The following CERCAM variants were observed in gnomAD, a reference collection of about 807,000 sequenced individuals.
CERCAM encodes the protein cerebral endothelial cell adhesion molecule.
A neutral mutation model predicts 66.0 loss-of-function variants in CERCAM; 59 were observed. The ratio of observed to expected loss-of-function variants is 0.89; its 90% confidence interval spans 0.73 to 1.11. The LOEUF (loss-of-function observed/expected upper bound fraction) is 1.11. Among genes scored for constraint, CERCAM ranks in the 50% most tolerant of loss-of-function variants. The pLI, the probability that CERCAM is intolerant of heterozygous loss-of-function variation, is 0.00. For missense variants in CERCAM, 840 were observed against 828.3 expected (o/e 1.01, Z -0.17); for synonymous variants, 318 against 343.6 (o/e 0.93, Z 0.83).
rs1054267979 is a variant in CERCAM at position 128,432,803 on chromosome 9, C to T, written c.1204-1299C>T. 2.0e-5 allele frequency among the ~76,000 whole-genome samples: 3 copies of T among 152,034 alleles called. 1 individual carries two copies. Among genetic ancestry groups the T allele is most frequent in the South Asian group, 4.2e-4 (2 of 4,782 alleles). On this transcript the variant is annotated intron_variant, in intron 9 of 12. Transcript: ENST00000372838. ...AAAAGTACTTTTTCTTTTGGATATT[C>T]GGGGCTGGGGTCTTCCCACCCCCCA... is the stretch of plus-strand genomic sequence containing the variant.
chr9:128,434,011 T>C lies in CERCAM; in HGVS notation c.1204-91T>C. 1 of 1,534,514 alleles carries C rather than the reference T, an allele frequency of 6.5e-7. No homozygotes were observed. Among genetic ancestry groups the C allele is most frequent in the Admixed American group, 1.8e-5 (1 of 54,142 alleles). On this transcript the variant is annotated intron_variant, in intron 9 of 12. Transcript: ENST00000372838. This position sits in a 1 kb window ranked among gnomAD's most constrained non-coding sequence, Gnocchi z 4.5. ...AACTGCATGATGTGGCCAGGCCAAC[T>C]GAGGCCAGGCAGAGGCTGTGAGCTT...
intron 9 of CERCAM, among the ~76,000 whole-genome samples, chr9:128,433,278 CAAAAAAAAAAAA>C (rs758064235): frequency 1.4e-5 from 1 of 70,628 alleles, no homozygotes; most frequent in African/African-American, 4.7e-5. Context: ...AACTCCGTCT[CAAAAAAAAAAAA>C]AAAAAAAAAA....
At chr9:128,426,380 TTTGG>T (rs1833846812) in intron 5 of CERCAM, among the ~76,000 whole-genome samples, 1 of 151,856 alleles carries the variant, frequency 6.6e-6, no homozygotes, top group Admixed American at 6.6e-5. Flanking sequence ...ATCTAAGCAC[TTTGG>T]GAGGCCGAGG....
At chr9:128,429,668 C>T (rs559954842) in intron 8 of CERCAM, among the ~76,000 whole-genome samples, 90 of 152,216 alleles carry the variant, frequency 5.9e-4, no homozygotes, top group Admixed American at 1.0e-3. Context: ...GGCTGGAGTG[C>T]GGTGCCACAA....
chr9:128,428,794 T>G lies in CERCAM; in HGVS notation c.924T>G (p.Thr308=), dbSNP rs140184468. Residue 308 remains threonine (T), a synonymous_variant, in exon 7 of 13, where the codon ACT becomes ACG. Coordinates refer to ENST00000372838, the MANE Select transcript of CERCAM (RefSeq NM_016174.5). ...GPRMQASAHV[T]RPSKRPSKIG... ...GCATGCAGGCCTCAGCTCATGTGAC[T>G]CGGCCCTCTAAGAGGCCCAGCAAGA... 407 of 1,614,002 alleles carry G rather than the reference T, an allele frequency of 2.5e-4. 2 individuals are homozygous for G. In the African/African-American group the frequency reaches 4.7e-3, roughly 19 times the overall value.
intron 5 of CERCAM, 39 bp downstream of exon 5, chr9:128,424,653 C>T (rs545898121): frequency 6.3e-7 from 1 of 1,580,218 alleles, no homozygotes; most frequent in Non-Finnish European, 8.7e-7. Context: ...TTGGAGGCCT[C>T]TGCACATTTG....
chr9:128,427,998 T>G (rs1833885118), intron 5 of CERCAM, among the ~76,000 whole-genome samples: 1 of 152,040 alleles, frequency 6.6e-6, no homozygotes, highest in Non-Finnish European at 1.5e-5. Flanking sequence ...GGGTAGGAGT[T>G]TGTCTGCTCC....
Position 128,420,994 on chromosome 9 carries a change from C to A in CERCAM, c.117C>A (p.Ala39=). The A allele has an allele frequency of 6.8e-7, 1 of 1,467,340 alleles. No homozygotes were observed. Among genetic ancestry groups the A allele is most frequent in the Non-Finnish European group, 9.0e-7 (1 of 1,110,614 alleles). 90.9% of individuals were successfully genotyped at this position (1,467,340 alleles called of 1,614,324 possible). ...PLPAVVLAIL[A]RNAEHSLPHY... is the part of the protein sequence containing the mutation. ...CCGCCGTGGTCCTTGCCATCCTGGC[C>A]CGCAATGCCGAACACTCGCTGCCCC... The change falls in exon 1 of 13, where the codon GCC becomes GCA. Residue 39 remains alanine (A), a synonymous_variant. Coordinates refer to ENST00000372838, the MANE Select transcript of CERCAM (RefSeq NM_016174.5). The surrounding 1 kb of genome is among the most constrained non-coding windows in gnomAD (Gnocchi z 5.0).
chr9:128,423,355 G>A (rs112591943), intron 3 of CERCAM, 92 bp downstream of exon 3: 19 of 1,059,542 alleles, frequency 1.8e-5, no homozygotes, highest in Middle Eastern at 4.7e-4. Context: ...AGTGGCTCAC[G>A]CCTATAATCC....
chr9:128,432,953 G>A (rs1029972427), intron 9 of CERCAM, among the ~76,000 whole-genome samples: 13 of 151,876 alleles, frequency 8.6e-5, no homozygotes, highest in Admixed American at 2.0e-4. Flanking sequence ...GGCCAACGTG[G>A]TGAAACCCCG....
intron 5 of CERCAM, among the ~76,000 whole-genome samples, chr9:128,425,884 C>T (rs1833835165): frequency 6.9e-6 from 1 of 145,022 alleles, no homozygotes; most frequent in Non-Finnish European, 1.5e-5. Context: ...TGCAGTGGCA[C>T]AATCTCAGCT....
Position 128,434,746 on chromosome 9 carries a change from G to A in CERCAM, c.1535+133G>A, listed in dbSNP as rs1834069718. On this transcript the variant is annotated intron_variant, in intron 11 of 12. Coordinates refer to ENST00000372838, the MANE Select transcript of CERCAM (RefSeq NM_016174.5). This position sits in a 1 kb window ranked among gnomAD's most constrained non-coding sequence, Gnocchi z 4.5. The stretch of plus-strand genomic sequence containing the variant: ...TGGCAAGGCCAAGCCACTTGGCCCA[G>A]GTCACCAAGGAGTGGCTCAGCCTAG... 8.4e-6 allele frequency: 7 copies of A among 828,998 alleles called. No individual in the cohort carries two copies. The highest frequency in any genetic ancestry group is 5.6e-6 in the Non-Finnish European group (3 of 534,964). The allele number at this position is 828,998 out of a possible 1,614,324, so 51.4% of individuals were successfully genotyped here.
rs1471236269 is a variant in CERCAM, at chr9:128,425,528, T to G, written c.766+914T>G. Among the ~76,000 whole-genome samples, 3 of 151,736 alleles carry G rather than the reference T, an allele frequency of 2.0e-5. No individual in the cohort carries two copies. In the East Asian group the frequency reaches 5.8e-4, roughly 30 times the overall value. On this transcript the variant is annotated intron_variant, in intron 5 of 12. Transcript: ENST00000372838. ...CTCTTTTCTGCCCTTTTTTTTTTTT[T>G]GAGATGGAGTTTTGCTCTTGTTGCC... is the stretch of plus-strand genomic sequence containing the variant.
intron 5 of CERCAM, among the ~76,000 whole-genome samples, chr9:128,427,228 T>G (rs756417084): frequency 2.6e-5 from 4 of 152,082 alleles, no homozygotes; most frequent in Non-Finnish European, 4.4e-5. Flanking sequence ...TTCTCCTGCC[T>G]CAGCCTCCTA....
chr9:128,435,933 G>C (rs759693698), intron 12 of CERCAM, 28 bp downstream of exon 12: 32 of 1,577,858 alleles, frequency 2.0e-5, no homozygotes, highest in Non-Finnish European at 2.7e-5. Context: ...AGAGGCCCCA[G>C]CCCCGTAGAC....
chr9:128,433,706 G>T (rs963967744), intron 9 of CERCAM, among the ~76,000 whole-genome samples: 6 of 152,152 alleles, frequency 3.9e-5, no homozygotes, highest in Admixed American at 1.3e-4. Flanking sequence ...GCAGATGCGG[G>T]TTCATATCCC....
chr9:128,433,960 G>T (rs1311865302), intron 9 of CERCAM, 142 bp from the exon 10 acceptor site: 7 of 1,081,568 alleles, frequency 6.5e-6, no homozygotes, highest in Non-Finnish European at 7.8e-6. Context: ...GTCCCAGGCA[G>T]TGGGGCCCCC....
chr9:128,428,872 G>A (rs1214567044), intron 7 of CERCAM, 39 bp downstream of exon 7: 2 of 1,607,376 alleles, frequency 1.2e-6, no homozygotes, highest in South Asian at 2.2e-5. Context: ...TTAGGAGGTG[G>A]ATGGGCCCTC....
rs1048620736 is a variant in CERCAM, at chr9:128,431,065, CT to C, written c.1071-104del. 1.9e-5 allele frequency: 26 copies of C among 1,383,678 alleles called. No homozygotes were observed. The African/African-American group carries it at 3.6e-4, about 19-fold the overall frequency. The allele number at this position is 1,383,678 out of a possible 1,614,324, so 85.7% of individuals were successfully genotyped here. A position where few individuals can be genotyped will look rare whatever the true frequency, so the allele number is the denominator to read the frequency against. ...AAAGGAGTTACAAGGCAGAAACCTT[CT>C]TCAAACCCGACTCCAGTGTGACTGT... On this transcript the variant is annotated intron_variant, in intron 8 of 12. Coordinates refer to ENST00000372838, the MANE Select transcript of CERCAM (RefSeq NM_016174.5).
Sources: allele counts gnomAD v4.1 joint callset (sites outside exome capture counted in the v4.1 genomes callset), GRCh38; gene constraint gnomAD v4.1.1; non-coding constraint Gnocchi (gnomAD v3.1); transcripts MANE v1.5; gene names NCBI Gene and HGNC (gene_info 2026-07-23, HGNC 2026-07-21).